The following EPSTI1 variants were observed in gnomAD, a reference collection of about 807,000 sequenced individuals.
EPSTI1 encodes epithelial-stromal interaction protein 1.
EPSTI1 carries 66 observed loss-of-function variants against 49.9 expected under a neutral mutation model. The observed-to-expected ratio is 1.32, with a 90% CI of 1.08 to 1.62. The LOEUF is 1.62. Among genes scored for constraint, EPSTI1 ranks in the 40% most tolerant of loss-of-function variants. The pLI, the probability that EPSTI1 is intolerant of heterozygous loss-of-function variation, is 0.00. For missense variants in EPSTI1, 394 were observed against 365.5 expected, an observed-to-expected ratio of 1.08 and a Z score of -0.64; for synonymous variants, 137 against 130.7, an observed-to-expected ratio of 1.05 and a Z score of -0.33.
At chr13:42,972,652 C>T (rs1429547106) in intron 1 of EPSTI1, among the ~76,000 whole-genome samples, 1 of 152,118 alleles carries the variant, frequency 6.6e-6, no homozygotes, top group Admixed American at 6.5e-5. Flanking sequence ...TGATAGACTT[C>T]CAAACAATGC....
At chr13:42,958,161 C>T (rs1408455399) in intron 5 of EPSTI1, among the ~76,000 whole-genome samples, 3 of 152,094 alleles carry the variant, frequency 2.0e-5, no homozygotes, top group Non-Finnish European at 2.9e-5. Flanking sequence ...AGCCCACCAA[C>T]AAATGAGGAA....
At position 42,992,055 on chromosome 13, in the gene EPSTI1, C is replaced by CA; in HGVS notation, c.110dup (p.Glu38GlyfsTer12). 1 of 1,613,446 alleles carries CA rather than the reference C, an allele frequency of 6.2e-7. No homozygotes were observed. Among genetic ancestry groups the CA allele is most frequent in the South Asian group, 1.1e-5 (1 of 91,092 alleles). ...CCTCCAAACCCTCTCTCTGGTCTTC[C>CA]ACGGGGCTCAGCTCCCCTTGCCGCC... On this transcript the variant is annotated frameshift_variant, in exon 1 of 11. Transcript: ENST00000313624. LOFTEE classifies it high-confidence loss of function.
chr13:42,950,835 G>A (rs2039072916), intron 6 of EPSTI1, among the ~76,000 whole-genome samples: 1 of 152,138 alleles, frequency 6.6e-6, no homozygotes, highest in South Asian at 2.1e-4. Context: ...AGTCTGGTTG[G>A]TCTGGCAAAA....
At chr13:42,983,787 A>G (rs1400068169) in intron 1 of EPSTI1, among the ~76,000 whole-genome samples, 1 of 152,162 alleles carries the variant, frequency 6.6e-6, no homozygotes, top group African/African-American at 2.4e-5. Context: ...CAAATGGCTT[A>G]TCATGAAAAG....
intron 6 of EPSTI1, among the ~76,000 whole-genome samples, chr13:42,941,857 C>T (rs1359452509): frequency 6.6e-6 from 1 of 151,802 alleles, no homozygotes; most frequent in Non-Finnish European, 1.5e-5. Flanking sequence ...ATATTGGGTA[C>T]ATTTTATGTC....
At chr13:42,919,441 T>C in intron 7 of EPSTI1, 3 of 982,682 alleles carry the variant, frequency 3.1e-6, no homozygotes, top group Non-Finnish European at 4.8e-6. Flanking sequence ...CATTGAAATA[T>C]TCATTTAATA....
chr13:42,980,511 A>G lies in EPSTI1; in HGVS notation c.189-9841T>C, dbSNP rs374232957. Reference sequence around the variant, plus strand: ...GTGGCAGGCAAGAGAGCACGTGCAGAGGAACTGCCCTTTATAAAACCATCA... The same window carrying G: ...GTGGCAGGCAAGAGAGCACGTGCAGGGGAACTGCCCTTTATAAAACCATCA... On this transcript the variant is annotated intron_variant, in intron 1 of 10. Coordinates refer to ENST00000313624, the MANE Select transcript of EPSTI1 (RefSeq NM_033255.5). Among the ~76,000 whole-genome samples the G allele has an allele frequency of 8.8e-4, 134 of 152,342 alleles. 1 individual carries two copies. In the East Asian group the frequency reaches 0.015, roughly 18 times the overall value.
At chr13:42,991,939 C>G in intron 1 of EPSTI1, 39 bp downstream of exon 1, 1 of 1,610,470 alleles carries the variant, frequency 6.2e-7, no homozygotes. Flanking sequence ...GTTTGGGGCC[C>G]GGGCTCCCGC....
At chr13:42,978,228 A>T (rs1374707571) in intron 1 of EPSTI1, among the ~76,000 whole-genome samples, 1 of 152,090 alleles carries the variant, frequency 6.6e-6, no homozygotes, top group Non-Finnish European at 1.5e-5. Context: ...CCCTGATGAC[A>T]TGTGGTCTAG....
intron 5 of EPSTI1, among the ~76,000 whole-genome samples, chr13:42,962,122 G>A (rs997463676): frequency 3.3e-5 from 5 of 152,216 alleles, no homozygotes; most frequent in African/African-American, 1.2e-4. Context: ...TGGTGACAGT[G>A]CAGGCCAATC....
At chr13:42,907,458 T>C (rs927656547) in intron 8 of EPSTI1, among the ~76,000 whole-genome samples, 1 of 152,222 alleles carries the variant, frequency 6.6e-6, no homozygotes, top group African/African-American at 2.4e-5. Context: ...ATCTTGTCTG[T>C]ATCTCTCATT....
chr13:42,945,283 T>C (rs1432442295), intron 6 of EPSTI1, among the ~76,000 whole-genome samples: 2 of 152,156 alleles, frequency 1.3e-5, no homozygotes, highest in Non-Finnish European at 2.9e-5. Context: ...TCTCATGAGA[T>C]GTATTCAGTA....
chr13:42,917,921 T>C (rs1169598207), intron 7 of EPSTI1, among the ~76,000 whole-genome samples: 1 of 152,178 alleles, frequency 6.6e-6, no homozygotes, highest in African/African-American at 2.4e-5. Flanking sequence ...ATAATCAACA[T>C]AGTTTATTCC....
chr13:42,899,653 A>C (rs1041346519), intron 9 of EPSTI1, among the ~76,000 whole-genome samples: 2 of 152,220 alleles, frequency 1.3e-5, no homozygotes, highest in African/African-American at 4.8e-5. Context: ...ATTCTTCTCC[A>C]AGATACTCAA....
chr13:42,914,749 T>G (rs139955052), intron 8 of EPSTI1, among the ~76,000 whole-genome samples: 2 of 152,306 alleles, frequency 1.3e-5, no homozygotes, highest in African/African-American at 2.4e-5. Context: ...AATGGTAAGA[T>G]GAGATGAGAA....
intron 9 of EPSTI1, among the ~76,000 whole-genome samples, chr13:42,897,790 A>G (rs1254995740): frequency 6.6e-6 from 1 of 152,204 alleles, no homozygotes; most frequent in African/African-American, 2.4e-5. Context: ...GGTGGGAAAG[A>G]GTTTGTTTCT....
In EPSTI1 at chr13:42,922,342, A is replaced by G. The variant is rs1005755615; in HGVS notation, c.657+3994T>C. ...TTAAGGATCTGGAAGTGGAGAGATTAGCCTGGATAGTCCAGGTGGGCCCAT... is the reference window on the plus strand; with the variant it reads ...TTAAGGATCTGGAAGTGGAGAGATTGGCCTGGATAGTCCAGGTGGGCCCAT... On this transcript the variant is annotated intron_variant, in intron 7 of 10. Coordinates refer to ENST00000313624, the MANE Select transcript of EPSTI1 (RefSeq NM_033255.5). This position sits in a 1 kb window ranked among gnomAD's most constrained non-coding sequence, Gnocchi z 4.8. Among the ~76,000 whole-genome samples, 4 of 152,220 alleles carry G rather than the reference A, an allele frequency of 2.6e-5. No individual in the cohort carries two copies. In the South Asian group the frequency reaches 6.2e-4, roughly 24 times the overall value.
At chr13:42,952,065 G>C (rs2153428384) in intron 6 of EPSTI1, among the ~76,000 whole-genome samples, 1 of 152,274 alleles carries the variant, frequency 6.6e-6, no homozygotes, top group Middle Eastern at 3.4e-3. Context: ...GCACCAATCA[G>C]CGCTCTGTGA....
intron 10 of EPSTI1, among the ~76,000 whole-genome samples, chr13:42,890,585 A>AC (rs1167446436): frequency 5.3e-5 from 8 of 152,080 alleles, no homozygotes; most frequent in African/African-American, 1.9e-4. Context: ...GGCGTGAGCT[A>AC]CCGCTCCCGG....
Sources: gnomAD v4.1 joint callset for allele counts (sites outside exome capture counted in the v4.1 genomes callset) on GRCh38, gnomAD v4.1.1 for gene constraint, Gnocchi (gnomAD v3.1) non-coding constraint, MANE v1.5 for transcripts, NCBI Gene and HGNC (gene_info 2026-07-23, HGNC 2026-07-21) for gene names.